Variants in RNF157 observed in about 807,000 individuals in gnomAD.
The protein encoded by RNF157 is ring finger protein 157.
RNF157 carries 55 observed loss-of-function variants against 88.3 expected under a neutral mutation model. That is an observed-to-expected ratio of 0.62 (90% CI 0.50 to 0.78). The LOEUF is 0.78. Among genes scored for constraint, RNF157 ranks in the 30% least tolerant of loss-of-function variants. The probability of loss-of-function intolerance (pLI) is 0.00; values close to 1 mark genes in which losing one functional copy is unlikely to be tolerated. For missense variants in RNF157, 788 were observed against 860.8 expected, an observed-to-expected ratio of 0.92 and a Z score of 1.06; for synonymous variants, 334 against 341.2, an observed-to-expected ratio of 0.98 and a Z score of 0.23.
At chr17:76,218,244 G>C (rs950120197) in intron 1 of RNF157, among the ~76,000 whole-genome samples, 2 of 152,202 alleles carry the variant, frequency 1.3e-5, no homozygotes, top group African/African-American at 4.8e-5. Flanking sequence ...GGTGTCATCA[G>C]ACTTTTCAAC....
At chr17:76,189,916 G>A (rs1483101716) in intron 2 of RNF157, among the ~76,000 whole-genome samples, 3 of 152,224 alleles carry the variant, frequency 2.0e-5, no homozygotes, top group African/African-American at 7.2e-5. Context: ...GGAACAGCCA[G>A]GCGCAAGAAG....
intron 1 of RNF157, among the ~76,000 whole-genome samples, chr17:76,218,054 GA>G (rs1445866312): frequency 1.3e-5 from 2 of 151,998 alleles, no homozygotes; most frequent in Non-Finnish European, 2.9e-5. Flanking sequence ...TGGTTACTAT[GA>G]TTAAATTTAA....
intron 2 of RNF157, among the ~76,000 whole-genome samples, chr17:76,182,813 A>G (rs1418631407): frequency 7.9e-6 from 1 of 126,576 alleles, no homozygotes; most frequent in Non-Finnish European, 1.6e-5. Flanking sequence ...TGAGAGAGAT[A>G]TATATCCTAT....
intron 2 of RNF157, among the ~76,000 whole-genome samples, chr17:76,196,803 G>C (rs1185295102): frequency 6.6e-6 from 1 of 152,126 alleles, no homozygotes; most frequent in Non-Finnish European, 1.5e-5. Context: ...GCCACCAACA[G>C]CCAGTGACTG....
chr17:76,154,040 T>A (rs1205826715), intron 17 of RNF157: 1 of 503,114 alleles, frequency 2.0e-6, no homozygotes, highest in Non-Finnish European at 3.6e-6. Flanking sequence ...CCTGTATGTA[T>A]CTCCTGCAGC....
intron 2 of RNF157, among the ~76,000 whole-genome samples, chr17:76,189,480 T>A (rs1168124213): frequency 1.3e-5 from 2 of 152,178 alleles, no homozygotes; most frequent in Non-Finnish European, 2.9e-5. Context: ...CATTTCCTTA[T>A]CAGTGAAATG....
intron 1 of RNF157, among the ~76,000 whole-genome samples, chr17:76,222,450 C>T (rs554726416): frequency 3.3e-5 from 5 of 151,652 alleles, no homozygotes; most frequent in South Asian, 2.1e-4. Flanking sequence ...TTTTATGTTA[C>T]GTGAACTTCG....
chr17:76,178,686 T>G (rs1372273930), intron 2 of RNF157, among the ~76,000 whole-genome samples: 1 of 152,226 alleles, frequency 6.6e-6, no homozygotes, highest in Admixed American at 6.5e-5. Flanking sequence ...TTATATTATC[T>G]TATTTAATCT....
Position 76,230,548 on chromosome 17 carries a change from GGA to G in RNF157, c.88+9603_88+9604del, listed in dbSNP as rs200766102. Among the ~76,000 whole-genome samples, 953 of 152,180 alleles carry G rather than the reference GGA, an allele frequency of 6.3e-3. 7 individuals carry two copies. Among genetic ancestry groups the G allele is most frequent in the African/African-American group, 0.021 (881 of 41,506 alleles). ...TCCCAATCACTCATATTTCTTAAAA[GGA>G]GATACTGAGCCGGGCATGGTGGCTC... On this transcript the variant is annotated intron_variant, in intron 1 of 18. Coordinates refer to ENST00000269391, the MANE Select transcript of RNF157 (RefSeq NM_052916.3).
Position 76,209,201 on chromosome 17 carries a change from G to A in RNF157, c.207+3163C>T, listed in dbSNP as rs372758331. On this transcript the variant is annotated intron_variant, in intron 2 of 18. Coordinates refer to ENST00000269391, the MANE Select transcript of RNF157 (RefSeq NM_052916.3). Reference sequence around the variant, plus strand: ...CAGCCTCAGCCTCCTGAGTAGCTGGGACCACAGGCACATGCCACTGTGCCC... The same window carrying A: ...CAGCCTCAGCCTCCTGAGTAGCTGGAACCACAGGCACATGCCACTGTGCCC... Among the ~76,000 whole-genome samples, 176 of 152,224 alleles carry A rather than the reference G, an allele frequency of 1.2e-3. 4 individuals are homozygous for A. In the South Asian group the frequency reaches 0.022, roughly 19 times the overall value.
chr17:76,228,814 G>A (rs1001304957), intron 1 of RNF157, among the ~76,000 whole-genome samples: 2 of 151,944 alleles, frequency 1.3e-5, no homozygotes, highest in South Asian at 2.1e-4. Flanking sequence ...CCAGCTACTC[G>A]GGAGGCTGAG....
At position 76,143,667 on chromosome 17, in the gene RNF157, C is replaced by A. The variant is rs2144773269; in HGVS notation, c.*1568G>T. The A allele has an allele frequency of 6.6e-6, 1 of 152,320 alleles. No homozygotes were observed. Among genetic ancestry groups the A allele is most frequent in the Non-Finnish European group, 1.5e-5 (1 of 68,034 alleles). 9.4% of individuals were successfully genotyped at this position (152,320 alleles called of 1,614,324 possible). ...GAGCCACAACCACTAGGCAGTGAGA[C>A]AGTCACTGCACTCCTGGCCTCTGCA... On this transcript the variant is annotated 3_prime_UTR_variant, in exon 19 of 19. Coordinates refer to ENST00000269391, the MANE Select transcript of RNF157 (RefSeq NM_052916.3).
intron 18 of RNF157, among the ~76,000 whole-genome samples, chr17:76,148,417 C>T (rs1403798806): frequency 1.3e-5 from 2 of 151,976 alleles, no homozygotes; most frequent in Non-Finnish European, 2.9e-5. Context: ...CAGGCACTCG[C>T]CACCACGCCT....
intron 5 of RNF157, 34 bp downstream of exon 5, chr17:76,166,974 GT>G: frequency 6.7e-7 from 1 of 1,488,402 alleles, no homozygotes; most frequent in South Asian, 1.2e-5. Flanking sequence ...GCCCTTCTGA[GT>G]GGATGTGGGA....
Position 76,156,251 on chromosome 17 carries a change from C to G in RNF157, c.1484G>C (p.Cys495Ser), listed in dbSNP as rs755479213. The G allele has an allele frequency of 1.9e-6, 3 of 1,614,008 alleles. No individual in the cohort carries two copies. Among genetic ancestry groups the G allele is most frequent in the Non-Finnish European group, 2.5e-6 (3 of 1,180,008 alleles). The change falls in exon 14 of 19, where the codon TGC becomes TCC. Residue 495 changes from cysteine (C) to serine (S), a missense_variant. Physicochemically the swap from Cys to Ser is moderately radical, Grantham distance 112. Coordinates refer to ENST00000269391, the MANE Select transcript of RNF157 (RefSeq NM_052916.3). ...AGTGGATGACAGAGGCGTCCCTGTG[C>G]AAGACGACTGGTCAATAGCTCCAGA... ...SSSGAIDQSS[C>S]TGTPLSSTIS...
At chr17:76,156,503 T>A (rs2068767012) in intron 13 of RNF157, 182 bp from the exon 14 acceptor site, 1 of 1,414,054 alleles carries the variant, frequency 7.1e-7, no homozygotes, top group Admixed American at 3.0e-5. Context: ...AAGCCTGGAA[T>A]GACTGCCTCC....
intron 15 of RNF157, 21 bp downstream of exon 15, chr17:76,155,541 G>T: frequency 6.2e-7 from 1 of 1,607,090 alleles, no homozygotes; most frequent in Non-Finnish European, 8.5e-7. Context: ...AAGCCAGGGC[G>T]GTTCCCGTCC....
chr17:76,200,020 G>C (rs1375585131), intron 2 of RNF157, among the ~76,000 whole-genome samples: 1 of 151,962 alleles, frequency 6.6e-6, no homozygotes, highest in African/African-American at 2.4e-5. Flanking sequence ...GGCGGATCAC[G>C]AGGTCAGGAG....
intron 1 of RNF157, among the ~76,000 whole-genome samples, chr17:76,228,557 C>G (rs561317565): frequency 6.6e-6 from 1 of 152,208 alleles, no homozygotes; most frequent in East Asian, 1.9e-4. Flanking sequence ...TTACCTCATC[C>G]TACAAGCATA....
Sources: gnomAD v4.1 joint callset for allele counts (sites outside exome capture counted in the v4.1 genomes callset) on GRCh38, gnomAD v4.1.1 for gene constraint, MANE v1.5 for transcripts, NCBI Gene and HGNC (gene_info 2026-07-23, HGNC 2026-07-21) for gene names.